The following CTTNBP2 variants were observed in gnomAD, a reference collection of about 807,000 sequenced individuals.
The protein encoded by CTTNBP2 is cortactin-binding protein 2.
In CTTNBP2, 108 loss-of-function variants were observed where a neutral mutation model predicts 156.9. The observed-to-expected ratio is 0.69, with a 90% CI of 0.59 to 0.81. CTTNBP2 has a LOEUF of 0.81. CTTNBP2 is among the 30% of genes least tolerant of loss of function. The pLI is 0.00. For missense variants in CTTNBP2, 1,924 were observed against 2,035.4 expected, an observed-to-expected ratio of 0.95 and a Z score of 1.05; for synonymous variants, 767 against 751.8, an observed-to-expected ratio of 1.02 and a Z score of -0.33.
At chr7:117,777,862 AC>A in intron 7 of CTTNBP2, 97 bp from the exon 8 acceptor site, 1 of 1,212,198 alleles carries the variant, frequency 8.2e-7, no homozygotes, top group Non-Finnish European at 1.2e-6. Context: ...TTGGGCATGG[AC>A]CACTGAGCTG....
chr7:117,750,718 T>C (rs1440858161), intron 12 of CTTNBP2, among the ~76,000 whole-genome samples: 1 of 152,214 alleles, frequency 6.6e-6, no homozygotes, highest in Non-Finnish European at 1.5e-5. Flanking sequence ...CATTACATAT[T>C]GTTTTGAAGT....
chr7:117,755,234 C>T, intron 12 of CTTNBP2: 1 of 198,804 alleles, frequency 5.0e-6, no homozygotes, highest in East Asian at 1.7e-4. Flanking sequence ...GAATGTTTCT[C>T]TGCTACTGTG....
chr7:117,847,084 G>C (rs1340776210), intron 2 of CTTNBP2, among the ~76,000 whole-genome samples: 1 of 151,720 alleles, frequency 6.6e-6, no homozygotes, highest in Non-Finnish European at 1.5e-5. Flanking sequence ...ACAGGAAGAG[G>C]AGCTAAATAA....
intron 14 of CTTNBP2, among the ~76,000 whole-genome samples, chr7:117,737,174 G>A (rs1294214806): frequency 6.6e-6 from 1 of 152,120 alleles, no homozygotes; most frequent in Non-Finnish European, 1.5e-5. Context: ...CAGCTGTTTG[G>A]TAAAGAATGC....
Position 117,762,055 on chromosome 7 carries a change from T to A in CTTNBP2, c.2897-1345A>T, listed in dbSNP as rs541339868. On this transcript the variant is annotated intron_variant, in intron 9 of 22. Transcript: ENST00000160373. ...TCCTGGATCTCCTGTACCTCCTCGG[T>A]CGCTCTTTAATGTTGTTCCTTTGTT... 5.3e-5 allele frequency among the ~76,000 whole-genome samples: 8 copies of A among 152,280 alleles called. No homozygotes were observed. The East Asian group carries it at 1.5e-3, about 29-fold the overall frequency.
In CTTNBP2 at chr7:117,865,671, CAAA is replaced by C. The variant is rs61533705; in HGVS notation, c.82-4358_82-4356del. Among the ~76,000 whole-genome samples the C allele has an allele frequency of 1.9e-4, 14 of 74,506 alleles. No homozygotes were observed. In the East Asian group the frequency reaches 5.2e-3, roughly 28 times the overall value. 48.9% of individuals were successfully genotyped at this position (74,506 alleles called of 152,430 possible). ...TGGTGACAGAACAAGACTCCATCTC[CAAA>C]AAAAAAAAAAAAAAAAGAAAAGAAA... On this transcript the variant is annotated intron_variant, in intron 1 of 22. Transcript: ENST00000160373.
intron 17 of CTTNBP2, among the ~76,000 whole-genome samples, chr7:117,725,742 C>A (rs1795056988): frequency 6.6e-6 from 1 of 152,004 alleles, no homozygotes; most frequent in East Asian, 1.9e-4. Context: ...GGCTGGAGTG[C>A]CAAGGCGCAA....
chr7:117,795,904 T>C (rs1422843149), intron 3 of CTTNBP2, among the ~76,000 whole-genome samples: 1 of 152,164 alleles, frequency 6.6e-6, no homozygotes. Context: ...AAACTCTGAC[T>C]CCCAATCATC....
chr7:117,854,617 A>C (rs1803141331), intron 2 of CTTNBP2, among the ~76,000 whole-genome samples: 1 of 152,222 alleles, frequency 6.6e-6, no homozygotes, highest in African/African-American at 2.4e-5. Context: ...TAAAATATGT[A>C]ATACATTTTG....
chr7:117,854,475 T>G (rs758881759), intron 2 of CTTNBP2, among the ~76,000 whole-genome samples: 2 of 152,232 alleles, frequency 1.3e-5, no homozygotes, highest in Admixed American at 6.5e-5. Flanking sequence ...GGAACCATTA[T>G]TCTATTTAAA....
At chr7:117,773,535 T>C (rs1430820180) in intron 8 of CTTNBP2, among the ~76,000 whole-genome samples, 1 of 151,836 alleles carries the variant, frequency 6.6e-6, no homozygotes, top group Non-Finnish European at 1.5e-5. Context: ...TATGGAGATA[T>C]GGGTTTGGGA....
intron 16 of CTTNBP2, among the ~76,000 whole-genome samples, chr7:117,731,681 C>A (rs1045717509): frequency 6.6e-6 from 1 of 152,322 alleles, no homozygotes; most frequent in South Asian, 2.1e-4. Context: ...AATGCTATGA[C>A]TGACTGACGG....
intron 22 of CTTNBP2, among the ~76,000 whole-genome samples, chr7:117,714,455 T>C (rs1179798156): frequency 6.6e-6 from 1 of 152,206 alleles, no homozygotes; most frequent in Non-Finnish European, 1.5e-5. Context: ...AGTTAGTTGC[T>C]ATACAGAATC....
At chr7:117,744,612 C>T (rs1029894534) in intron 14 of CTTNBP2, among the ~76,000 whole-genome samples, 26 of 152,090 alleles carry the variant, frequency 1.7e-4, no homozygotes, top group African/African-American at 6.0e-4. Context: ...TGGCTAGGCA[C>T]GGTGGCTCAC....
At chr7:117,868,326 A>G (rs1804348718) in intron 1 of CTTNBP2, among the ~76,000 whole-genome samples, 1 of 152,236 alleles carries the variant, frequency 6.6e-6, no homozygotes, top group Admixed American at 6.5e-5. Context: ...CTTTGGAACC[A>G]TCTTGTCTTT....
At chr7:117,834,791 G>A (rs1321734345) in intron 2 of CTTNBP2, among the ~76,000 whole-genome samples, 1 of 152,210 alleles carries the variant, frequency 6.6e-6, no homozygotes, top group African/African-American at 2.4e-5. Context: ...AAGAAGTGAT[G>A]AGATTTTATA....
At chr7:117,762,587 G>A (rs944293046) in intron 9 of CTTNBP2, among the ~76,000 whole-genome samples, 2 of 152,106 alleles carry the variant, frequency 1.3e-5, no homozygotes, top group African/African-American at 4.8e-5. Context: ...TCTCTCACCT[G>A]GAATACCATA....
intron 10 of CTTNBP2, chr7:117,760,172 G>A (rs1797119773): frequency 2.0e-6 from 1 of 495,474 alleles, no homozygotes; most frequent in Non-Finnish European, 3.6e-6. Flanking sequence ...ATCTAGAATA[G>A]CAAGTGCAAT....
At chr7:117,846,578 A>C (rs1310776586) in intron 2 of CTTNBP2, among the ~76,000 whole-genome samples, 26 of 152,146 alleles carry the variant, frequency 1.7e-4, no homozygotes, top group Admixed American at 1.7e-3. Context: ...AAAAGAAAAA[A>C]AAAGAAATAT....
Sources: allele counts gnomAD v4.1 joint callset (sites outside exome capture counted in the v4.1 genomes callset), GRCh38; gene constraint gnomAD v4.1.1; transcripts MANE v1.5; gene names NCBI Gene and HGNC (gene_info 2026-07-23, HGNC 2026-07-21).